The following EPG5 variants were observed in gnomAD, a reference collection of about 807,000 sequenced individuals.
The protein encoded by EPG5 is ectopic P granules protein 5 homolog.
In EPG5, 159 loss-of-function variants were observed where a neutral mutation model predicts 302.7. The ratio of observed to expected loss-of-function variants is 0.53; its 90% CI spans 0.46 to 0.60. EPG5 has a LOEUF of 0.60. Ranked by LOEUF, EPG5 falls within the 20% of genes least tolerant of loss-of-function variation. EPG5 has a pLI of 0.00. For missense variants in EPG5, 2,896 were observed against 3,092.4 expected (o/e 0.94, Z 1.51); for synonymous variants, 1,158 against 1,136.8 (o/e 1.02, Z -0.37).
chr18:45,882,436 T>C lies in EPG5; in HGVS notation c.5356A>G (p.Thr1786Ala). 10 of 1,614,188 alleles carry C rather than the reference T, an allele frequency of 6.2e-6. No homozygotes were observed. The highest frequency in any genetic ancestry group is 8.5e-6 in the Non-Finnish European group (10 of 1,180,042). Residue 1786 changes from threonine to alanine, a missense_variant, in exon 31 of 44, where the codon ACC becomes GCC. This residue lies in a region of EPG5 where 790 missense variants were observed against 798.0 expected (regional missense o/e 0.99). Transcript: ENST00000282041. Reference protein sequence around the residue: ...SATKPPLSDRTRLLESIHLAL... With the variant: ...SATKPPLSDRARLLESIHLAL... ...AAGTGAATGGACTCCAGAAGCCTGG[T>C]ACGATCAGACAGAGGAGGTTTAGTG...
Position 45,858,663 on chromosome 18 carries a change from C to T in EPG5, c.7129G>A (p.Val2377Ile), listed in dbSNP as rs748584845. Reference protein sequence around the residue: ...LTLGSYLTLYVYLLQCLNSEQ... With the variant: ...LTLGSYLTLYIYLLQCLNSEQ... ...CTGTTTAAACACTGAAGCAAGTAGA[C>T]GTAAAGAGTCAAGTAACTGCCCAAG... Residue 2377 changes from valine to isoleucine, a missense_variant, in exon 41 of 44, where the codon GTC becomes ATC. Val to Ile is a conservative substitution (Grantham distance 29). Transcript: ENST00000282041. 7 of 1,613,968 alleles carry T rather than the reference C, an allele frequency of 4.3e-6. No individual in the cohort carries two copies. In the South Asian group the frequency reaches 4.4e-5, roughly 10 times the overall value.
chr18:45,868,001 T>G (rs2048783245), intron 36 of EPG5: 1 of 548,094 alleles, frequency 1.8e-6, no homozygotes, highest in African/African-American at 1.9e-5. Flanking sequence ...AAGCGAGGAA[T>G]GACCTTCCCT....
chr18:45,844,565 G>C (rs1403511608), downstream of EPG5, among the ~76,000 whole-genome samples: 1 of 152,066 alleles, frequency 6.6e-6, no homozygotes, highest in Non-Finnish European at 1.5e-5. Context: ...TTTTAAAAAA[G>C]AGGCAGTGAT....
intron 6 of EPG5, among the ~76,000 whole-genome samples, chr18:45,947,393 A>AG (rs1568180355): frequency 7.9e-5 from 12 of 152,106 alleles, no homozygotes; most frequent in African/African-American, 2.4e-4. Context: ...AGCCTAGCGA[A>AG]AGAGAGAGAC....
downstream of EPG5, among the ~76,000 whole-genome samples, chr18:45,846,244 A>G (rs1789555): frequency 0.12 from 18,470 of 151,954 alleles, 2,803 homozygotes; most frequent in African/African-American, 0.36. Context: ...ATCCCAGTGG[A>G]GGTCAGGGGC....
At position 45,954,730 on chromosome 18, in the gene EPG5, A is replaced by G. The variant is rs549669517; in HGVS notation, c.672T>C (p.Ala224=). Reference sequence around the variant, plus strand: ...CTGCCACCAAAGCTGGTGCTTCTCCAGCAATTTCAGCTGGCAACTGGGGAT... The same window carrying G: ...CTGCCACCAAAGCTGGTGCTTCTCCGGCAATTTCAGCTGGCAACTGGGGAT... ...KLYPQLPAEI[A]GEAPALVAVK... is the part of the protein sequence containing the mutation. The change falls in exon 2 of 44, where the codon GCT becomes GCC. Residue 224 remains alanine, a synonymous_variant. Coordinates refer to ENST00000282041, the MANE Select transcript of EPG5 (RefSeq NM_020964.3). 6.2e-7 allele frequency: 1 copy of G among 1,614,028 alleles called. No individual in the cohort carries two copies. Among genetic ancestry groups the G allele is most frequent in the South Asian group, 1.1e-5 (1 of 91,016 alleles).
Position 45,872,971 on chromosome 18 carries a change from C to T in EPG5, c.6050-2229G>A, listed in dbSNP as rs146005476. On this transcript the variant is annotated intron_variant, in intron 35 of 43. Coordinates refer to ENST00000282041, the MANE Select transcript of EPG5 (RefSeq NM_020964.3). ...TCCAGCCAAGACACAAATTCTGTGA[C>T]GTCAGATAAATTCTTTTCATTTTCA... 5.1e-3 allele frequency among the ~76,000 whole-genome samples: 769 copies of T among 152,226 alleles called. 7 individuals are homozygous for T. The highest frequency in any genetic ancestry group is 0.018 in the African/African-American group (733 of 41,530).
chr18:45,967,180 T>C lies in EPG5; in HGVS notation c.60A>G (p.Thr20=), dbSNP rs1217843401. ...RAKAKASRTK[T]KEKKKYETPQ... ...GGAGGGTGGGGGAGATCCTCACCTT[T>C]GTTTTAGTCCGGCTGGCCTTGGCCT... The change falls in exon 1 of 44, where the codon ACA becomes ACG. Residue 20 remains threonine (T), a synonymous_variant. Transcript: ENST00000282041. 3 of 1,601,874 alleles carry C rather than the reference T, an allele frequency of 1.9e-6. No individual in the cohort carries two copies. Among genetic ancestry groups the C allele is most frequent in the Non-Finnish European group, 2.6e-6 (3 of 1,174,328 alleles).
intron 27 of EPG5, among the ~76,000 whole-genome samples, chr18:45,898,867 C>T (rs906780476): frequency 6.6e-6 from 1 of 152,210 alleles, no homozygotes; most frequent in African/African-American, 2.4e-5. Context: ...TGGCTCACGC[C>T]TGTAATGCCA....
Position 45,860,122 on chromosome 18 carries a change from T to C in EPG5, c.6991A>G (p.Thr2331Ala). 3.1e-6 allele frequency: 5 copies of C among 1,614,248 alleles called. No individual in the cohort carries two copies. The highest frequency in any genetic ancestry group is 4.2e-6 in the Non-Finnish European group (5 of 1,180,048). ...HMAETTEACI[T>A]AYFKESPLNQ... Reference sequence around the variant, plus strand: ...CTCTTACTTTCTTTGAAGTAGGCAGTGATGCAGGCTTCTGTAGTCTCAGCC... The same window carrying C: ...CTCTTACTTTCTTTGAAGTAGGCAGCGATGCAGGCTTCTGTAGTCTCAGCC... The change falls in exon 40 of 44, where the codon ACT becomes GCT. Residue 2331 changes from threonine to alanine, a missense_variant. Physicochemically the swap from Thr to Ala is moderately conservative, Grantham distance 58 (BLOSUM62 0). Coordinates refer to ENST00000282041, the MANE Select transcript of EPG5 (RefSeq NM_020964.3).
chr18:45,916,573 C>T lies in EPG5; in HGVS notation c.3249G>A (p.Ser1083=), dbSNP rs368705336. The change falls in exon 18 of 44, where the codon TCG becomes TCA. Residue 1083 remains serine, a synonymous_variant. Coordinates refer to ENST00000282041, the MANE Select transcript of EPG5 (RefSeq NM_020964.3). ...YYLLKNEQFL[S]HLLLFLHLDS... Reference sequence around the variant, plus strand: ...CCAAGTGTAGGAACAAGAGGAGATGCGATAAAAACCTGCCAAGCACACAGG... The same window carrying T: ...CCAAGTGTAGGAACAAGAGGAGATGTGATAAAAACCTGCCAAGCACACAGG... The T allele has an allele frequency of 6.2e-5, 99 of 1,596,316 alleles. No individual in the cohort carries two copies. The highest frequency in any genetic ancestry group is 8.0e-5 in the Non-Finnish European group (93 of 1,165,504).
intron 24 of EPG5, among the ~76,000 whole-genome samples, chr18:45,905,859 C>G (rs187601613): frequency 6.6e-6 from 1 of 152,194 alleles, no homozygotes; most frequent in African/African-American, 2.4e-5. Context: ...ATGTACAAAG[C>G]CTTGGATATG....
At chr18:45,829,001 G>A in the EPG5 span, 1 of 767,554 alleles carries the variant, frequency 1.3e-6, no homozygotes, top group South Asian at 5.8e-5. Context: ...CTTGAACTGA[G>A]GAAGTCCTAT....
In EPG5 at chr18:45,945,786, C is replaced by T. The variant is rs560716553; in HGVS notation, c.1677+877G>A. Among the ~76,000 whole-genome samples the T allele has an allele frequency of 1.5e-3, 224 of 152,094 alleles. 1 individual carries two copies. Among genetic ancestry groups the T allele is most frequent in the Non-Finnish European group, 2.5e-3 (172 of 68,020 alleles). On this transcript the variant is annotated intron_variant, in intron 7 of 43. Transcript: ENST00000282041. Reference sequence around the variant, plus strand: ...TCTAGCAAAAATGCCTGCACATCCACGTCATTTACCACCACCTGACCACCT... The same window carrying T: ...TCTAGCAAAAATGCCTGCACATCCATGTCATTTACCACCACCTGACCACCT...
the EPG5 span, among the ~76,000 whole-genome samples, chr18:45,825,209 A>C: frequency 7.6e-6 from 1 of 132,306 alleles, no homozygotes; most frequent in Admixed American, 7.4e-5. Flanking sequence ...GAAGAGAGGG[A>C]TAGAGGGAGG....
At chr18:45,806,337 G>C in the EPG5 span, among the ~76,000 whole-genome samples, 2 of 152,204 alleles carry the variant, frequency 1.3e-5, no homozygotes, top group African/African-American at 2.4e-5. Context: ...GGATCATGGT[G>C]GGCGGGAGGC....
Position 45,852,246 on chromosome 18 carries a change from T to TA in EPG5, c.*220dup. ...TCTCTTGTGGATAAATATAAAAACT[T>TA]AAAGAGTCCCCAGAAGGTCTTAAGA... On this transcript the variant is annotated 3_prime_UTR_variant, in exon 44 of 44. Transcript: ENST00000282041. 2.4e-6 allele frequency: 1 copy of TA among 414,864 alleles called. No individual in the cohort carries two copies. Among genetic ancestry groups the TA allele is most frequent in the Non-Finnish European group, 4.2e-6 (1 of 235,898 alleles). 25.7% of individuals were successfully genotyped at this position (414,864 alleles called of 1,614,324 possible). A position where few individuals can be genotyped will look rare whatever the true frequency, so the allele number is the denominator to read the frequency against.
chr18:45,913,243 C>T (rs1416719482), intron 21 of EPG5, among the ~76,000 whole-genome samples: 1 of 152,158 alleles, frequency 6.6e-6, no homozygotes, highest in Non-Finnish European at 1.5e-5. Context: ...CTTTAACAGG[C>T]TCTGAAACCC....
Position 45,922,364 on chromosome 18 carries a change from T to G in EPG5, c.3075A>C (p.Leu1025Phe), listed in dbSNP as rs2050174893. The G allele has an allele frequency of 6.2e-7, 1 of 1,614,224 alleles. No individual in the cohort carries two copies. Among genetic ancestry groups the G allele is most frequent in the Non-Finnish European group, 8.5e-7 (1 of 1,180,042 alleles). ...AGMPIGCYLA[L>F]SMTAVGHSIE... ...ACCTGTGGCCCACAGCTGTCATAGA[T>G]AAGGCTAGATAACAGCCAATGGGCA... is the stretch of plus-strand genomic sequence containing the variant. The change falls in exon 16 of 44, where the codon TTA (leucine) becomes TTC (phenylalanine). Residue 1025 changes from leucine (L) to phenylalanine (F), a missense_variant. Coordinates refer to ENST00000282041, the MANE Select transcript of EPG5 (RefSeq NM_020964.3).
Sources: gnomAD v4.1 joint callset for allele counts (sites outside exome capture counted in the v4.1 genomes callset) on GRCh38, gnomAD v4.1.1 for gene constraint, gnomAD v4.1.1 regional missense constraint, MANE v1.5 for transcripts, NCBI Gene and HGNC (gene_info 2026-07-23, HGNC 2026-07-21) for gene names.